LAMA2: variants seen among roughly 807,000 people sequenced by gnomAD.
The protein encoded by LAMA2 is laminin subunit alpha 2.
LAMA2 carries 269 observed loss-of-function variants against 364.8 expected under a neutral mutation model. The observed-to-expected ratio is 0.74, with a 90% CI of 0.67 to 0.82. The LOEUF (loss-of-function observed/expected upper bound fraction) is 0.82, where lower values mean the gene tolerates loss of function less well. LAMA2 is among the 40% of genes least tolerant of loss of function. The pLI is 0.00. For synonymous variants in LAMA2, 1,379 were observed against 1,370.6 expected (o/e 1.01, Z -0.14); for missense variants, 3,807 against 3,873.2 (o/e 0.98, Z 0.45).
intron 16 of LAMA2, among the ~76,000 whole-genome samples, chr6:129,268,723 T>C (rs1012315822): frequency 6.6e-6 from 1 of 151,858 alleles, no homozygotes; most frequent in Non-Finnish European, 1.5e-5. Context: ...AGATAGGAGG[T>C]CTCCTTCAAA....
At chr6:129,361,306 C>A (rs1229106071) in intron 32 of LAMA2, among the ~76,000 whole-genome samples, 4 of 152,224 alleles carry the variant, frequency 2.6e-5, no homozygotes, top group African/African-American at 4.8e-5. Flanking sequence ...GTTACTACTG[C>A]TGTTTTTAAC....
At chr6:129,380,417 T>C (rs530232921) in intron 34 of LAMA2, among the ~76,000 whole-genome samples, 1 of 152,300 alleles carries the variant, frequency 6.6e-6, no homozygotes, top group Non-Finnish European at 1.5e-5. Flanking sequence ...GGATATATGA[T>C]AAACAAAACA....
intron 46 of LAMA2, among the ~76,000 whole-genome samples, chr6:129,453,849 T>C (rs747530997): frequency 6.6e-6 from 1 of 152,014 alleles, no homozygotes. Context: ...TTTGTTTTTA[T>C]CTTTACCACA....
At chr6:129,120,251 TA>T (rs1227024127) in intron 4 of LAMA2, among the ~76,000 whole-genome samples, 1 of 152,184 alleles carries the variant, frequency 6.6e-6, no homozygotes, top group Non-Finnish European at 1.5e-5. Context: ...AAGATAAGGC[TA>T]AAATTGAGTT....
At chr6:129,069,359 T>A (rs1358485409) in intron 3 of LAMA2, among the ~76,000 whole-genome samples, 2 of 149,346 alleles carry the variant, frequency 1.3e-5, no homozygotes, top group Non-Finnish European at 3.0e-5. Context: ...TTTACTTACA[T>A]ATTATGCTTA....
At chr6:129,092,254 C>T (rs983312245) in intron 3 of LAMA2, among the ~76,000 whole-genome samples, 2 of 152,014 alleles carry the variant, frequency 1.3e-5, no homozygotes, top group African/African-American at 4.8e-5. Flanking sequence ...TTTCTTTTTT[C>T]TTTAGCGTCA....
chr6:129,373,822 C>A (rs892790046), intron 34 of LAMA2, among the ~76,000 whole-genome samples: 1 of 152,168 alleles, frequency 6.6e-6, no homozygotes, highest in African/African-American at 2.4e-5. Context: ...CCATTTTCAT[C>A]ACATCAAGAA....
At chr6:128,930,059 A>G in intron 1 of LAMA2, 1 of 373,656 alleles carries the variant, frequency 2.7e-6, no homozygotes, top group South Asian at 3.2e-5. Flanking sequence ...GCAGCCCTGC[A>G]GGGCCGGCCG....
chr6:128,989,714 A>T (rs1020932890), intron 1 of LAMA2, among the ~76,000 whole-genome samples: 5 of 152,228 alleles, frequency 3.3e-5, no homozygotes, highest in Admixed American at 6.5e-5. Flanking sequence ...AACTAAGAAT[A>T]GTTATAAATA....
At position 129,370,002 on chromosome 6, in the gene LAMA2, A is replaced by C; in HGVS notation, c.4959+12A>C. On this transcript the variant is annotated intron_variant, in intron 34 of 64. Transcript: ENST00000421865. The stretch of plus-strand genomic sequence containing the variant: ...AGCTGCTGACCAGGGTAAGGTGGCA[A>C]AATTATGAATCTTCTGAAAGCAGAT... 6.2e-7 allele frequency: 1 copy of C among 1,605,632 alleles called. No individual in the cohort carries two copies. Among genetic ancestry groups the C allele is most frequent in the Non-Finnish European group, 8.5e-7 (1 of 1,172,420 alleles).
At chr6:129,202,572 G>C (rs143316875) in intron 12 of LAMA2, among the ~76,000 whole-genome samples, 5 of 152,122 alleles carry the variant, frequency 3.3e-5, no homozygotes, top group Non-Finnish European at 7.3e-5. Context: ...CCAGCACTGT[G>C]AGCAGTATAT....
Position 129,306,105 on chromosome 6 carries a change from G to A in LAMA2, c.3174+5233G>A, listed in dbSNP as rs146736560. 7.0e-4 allele frequency among the ~76,000 whole-genome samples: 106 copies of A among 151,772 alleles called. 1 individual carries two copies. In the East Asian group the frequency reaches 0.018, roughly 26 times the overall value. ...TATACATCTGACAATATAAGCTTACGATTTTGATTTCAATAGTCAATTATC... is the reference window on the plus strand; with the variant it reads ...TATACATCTGACAATATAAGCTTACAATTTTGATTTCAATAGTCAATTATC... On this transcript the variant is annotated intron_variant, in intron 22 of 64. Coordinates refer to ENST00000421865, the MANE Select transcript of LAMA2 (RefSeq NM_000426.4).
In LAMA2 at chr6:129,514,399, G is replaced by A. The variant is rs2297739; in HGVS notation, c.9015G>A (p.Ala3005=). ...TGATGTTTCATGTGGACAATGGTGC[G>A]GGCAGATTCACTGCTGTCTATGATG... ...EKLMFHVDNG[A]GRFTAVYDAG... is the part of the protein sequence containing the mutation. The change falls in exon 64 of 65, where the codon GCG becomes GCA. Residue 3005 remains alanine, a synonymous_variant. Coordinates refer to ENST00000421865, the MANE Select transcript of LAMA2 (RefSeq NM_000426.4). 172 of 1,613,672 alleles carry A rather than the reference G, an allele frequency of 1.1e-4. 2 individuals are homozygous for A. In the East Asian group the frequency reaches 2.9e-3, roughly 27 times the overall value.
chr6:129,347,566 C>T (rs530393863), intron 30 of LAMA2, among the ~76,000 whole-genome samples: 1 of 152,170 alleles, frequency 6.6e-6, no homozygotes, highest in African/African-American at 2.4e-5. Flanking sequence ...CTGCAGTGTC[C>T]ATAGGAGATG....
Position 128,978,910 on chromosome 6 carries a change from T to C in LAMA2, c.113-71008T>C, listed in dbSNP as rs1265707474. On this transcript the variant is annotated intron_variant, in intron 1 of 64. Transcript: ENST00000421865. ...ACATAGTTCCTCTCCTGCTGTATTA[T>C]GGAGAGAACATGGAGCCTTCAGAGA... Among the ~76,000 whole-genome samples the C allele has an allele frequency of 2.0e-5, 3 of 152,128 alleles. No individual in the cohort carries two copies. The East Asian group carries it at 5.8e-4, about 29-fold the overall frequency.
At chr6:129,033,199 A>T (rs1304771953) in intron 1 of LAMA2, among the ~76,000 whole-genome samples, 1 of 151,516 alleles carries the variant, frequency 6.6e-6, no homozygotes, top group Non-Finnish European at 1.5e-5. Context: ...AGCCCTGAGG[A>T]ACGATAATAG....
rs150022184 is a variant in LAMA2 at position 129,336,342 on chromosome 6, G to A, written c.4312-6001G>A. Among the ~76,000 whole-genome samples, 12 of 152,178 alleles carry A rather than the reference G, an allele frequency of 7.9e-5. No homozygotes were observed. In the East Asian group the frequency reaches 2.3e-3, roughly 29 times the overall value. On this transcript the variant is annotated intron_variant, in intron 29 of 64. Transcript: ENST00000421865. ...TTCAAAATAACACATATCAAACTAA[G>A]TGCTAGGTTTACTGTATATATAATA... is the stretch of plus-strand genomic sequence containing the variant.
At chr6:129,297,301 G>A (rs565219063) in intron 20 of LAMA2, among the ~76,000 whole-genome samples, 1 of 152,218 alleles carries the variant, frequency 6.6e-6, no homozygotes, top group South Asian at 2.1e-4. Flanking sequence ...CCATAGATCT[G>A]AAAGTAATCA....
intron 1 of LAMA2, among the ~76,000 whole-genome samples, chr6:128,969,158 G>C (rs1782034193): frequency 6.6e-6 from 1 of 152,148 alleles, no homozygotes; most frequent in Admixed American, 6.5e-5. Flanking sequence ...CTTGGCCAGT[G>C]AGAAGGGTTA....
Sources: gnomAD v4.1 joint callset for allele counts (sites outside exome capture counted in the v4.1 genomes callset) on GRCh38, gnomAD v4.1.1 for gene constraint, MANE v1.5 for transcripts, NCBI Gene and HGNC (gene_info 2026-07-23, HGNC 2026-07-21) for gene names.